The following PDE4D variants were observed in gnomAD, a reference collection of about 807,000 sequenced individuals.
PDE4D encodes 3',5'-cyclic-AMP phosphodiesterase 4D.
PDE4D carries 24 observed loss-of-function variants against 87.4 expected under a neutral mutation model. That is an observed-to-expected ratio of 0.27 (90% CI 0.20 to 0.39). The LOEUF (loss-of-function observed/expected upper bound fraction) is 0.39, where lower values mean the gene tolerates loss of function less well. Ranked by LOEUF, PDE4D falls within the 10% of genes least tolerant of loss-of-function variation. PDE4D has a pLI of 1.00. For missense variants in PDE4D, 714 were observed against 1,041.0 expected (o/e 0.69, Z 4.32); for synonymous variants, 384 against 383.2 (o/e 1.00, Z -0.02).
In PDE4D at chr5:59,283,078, C is replaced by T. The variant is rs554700850; in HGVS notation, c.456-67110G>A. ...TAACCTTCCCTGGCTTCAGTTTCCT[C>T]AGCTATAAAATGGAGATAGAAGAGA... On this transcript the variant is annotated intron_variant, in intron 1 of 14. Transcript: ENST00000340635. Among the ~76,000 whole-genome samples the T allele has an allele frequency of 3.9e-5, 6 of 152,192 alleles. No homozygotes were observed. In the South Asian group the frequency reaches 1.2e-3, roughly 32 times the overall value.
At chr5:59,431,021 T>C (rs1796028815) in intron 1 of PDE4D, among the ~76,000 whole-genome samples, 3 of 152,146 alleles carry the variant, frequency 2.0e-5, no homozygotes, top group East Asian at 1.9e-4. Flanking sequence ...CTATTCATGA[T>C]AGAACTGAAC....
intron 1 of PDE4D, among the ~76,000 whole-genome samples, chr5:59,630,877 G>A (rs1831477288): frequency 6.6e-6 from 1 of 152,158 alleles, no homozygotes; most frequent in Non-Finnish European, 1.5e-5. Context: ...TAATTATGAG[G>A]TGTAGACCCT....
At chr5:59,803,306 C>CTT (rs71606604) in intron 1 of PDE4D, among the ~76,000 whole-genome samples, 1,925 of 130,400 alleles carry the variant, frequency 0.015, 39 homozygotes, top group Non-Finnish European at 0.022. Context: ...CTAGAAACTC[C>CTT]TTTTTTTTTT....
At chr5:60,143,255 T>A (rs1544791) in intron 2 of PDE4D, among the ~76,000 whole-genome samples, 68 of 152,082 alleles carry the variant, frequency 4.5e-4, no homozygotes, top group Non-Finnish European at 8.8e-4. Flanking sequence ...TTGCAAATAA[T>A]GCCACATTCT....
chr5:59,241,346 C>T (rs796341630), intron 1 of PDE4D, among the ~76,000 whole-genome samples: 94 of 152,282 alleles, frequency 6.2e-4, no homozygotes, highest in African/African-American at 2.2e-3. Flanking sequence ...CTACTGCACC[C>T]GCCTGTACCA....
At chr5:59,526,095 C>G (rs1351611532) in intron 1 of PDE4D, among the ~76,000 whole-genome samples, 1 of 152,134 alleles carries the variant, frequency 6.6e-6, no homozygotes, top group African/African-American at 2.4e-5. Context: ...TTCCTGTGCC[C>G]TGTGATGCAC....
chr5:59,849,085 C>A (rs1744299738), intron 1 of PDE4D, among the ~76,000 whole-genome samples: 1 of 151,914 alleles, frequency 6.6e-6, no homozygotes, highest in Non-Finnish European at 1.5e-5. Flanking sequence ...TGTTTTTTTA[C>A]AGATATACAA....
intron 1 of PDE4D, among the ~76,000 whole-genome samples, chr5:59,549,121 T>A (rs1817719593): frequency 6.6e-6 from 1 of 152,180 alleles, no homozygotes; most frequent in Admixed American, 6.6e-5. Context: ...CCAAGTCCTC[T>A]GGTGGTATAA....
intron 2 of PDE4D, among the ~76,000 whole-genome samples, chr5:60,026,925 T>C (rs1398975862): frequency 6.6e-6 from 1 of 152,196 alleles, no homozygotes; most frequent in Non-Finnish European, 1.5e-5. Context: ...TAAAAGCCTT[T>C]ACACACGCAA....
intron 1 of PDE4D, among the ~76,000 whole-genome samples, chr5:59,717,555 T>A (rs1193387111): frequency 6.6e-6 from 1 of 152,028 alleles, no homozygotes; most frequent in Non-Finnish European, 1.5e-5. Flanking sequence ...TGTGGAAAAA[T>A]AAAACATTTA....
chr5:60,079,238 T>C (rs980328782), intron 2 of PDE4D, among the ~76,000 whole-genome samples: 1 of 152,216 alleles, frequency 6.6e-6, no homozygotes, highest in African/African-American at 2.4e-5. Flanking sequence ...GAGTTGTTTT[T>C]TTCTTATAAA....
At chr5:60,281,318 T>C (rs977806235) in intron 1 of PDE4D, among the ~76,000 whole-genome samples, 1 of 151,746 alleles carries the variant, frequency 6.6e-6, no homozygotes, top group Non-Finnish European at 1.5e-5. Flanking sequence ...TTGTCGTTCC[T>C]GTGGAAATTT....
intron 3 of PDE4D, among the ~76,000 whole-genome samples, chr5:59,932,554 A>G (rs1756086856): frequency 2.0e-5 from 3 of 152,202 alleles, no homozygotes; most frequent in Non-Finnish European, 4.4e-5. Flanking sequence ...CTAAGGTCCA[A>G]AGTAAGTGGT....
At chr5:59,211,263 A>G (rs879258356) in intron 2 of PDE4D, among the ~76,000 whole-genome samples, 1 of 152,186 alleles carries the variant, frequency 6.6e-6, no homozygotes, top group Non-Finnish European at 1.5e-5. Context: ...TGCATCATCT[A>G]TATTTAACAA....
At chr5:59,001,673 A>G (rs889948669) in intron 6 of PDE4D, among the ~76,000 whole-genome samples, 1 of 152,110 alleles carries the variant, frequency 6.6e-6, no homozygotes, top group Non-Finnish European at 1.5e-5. Context: ...TAGGCCCACA[A>G]TCTTCAATGA....
chr5:59,463,319 T>C (rs963133639), intron 1 of PDE4D, among the ~76,000 whole-genome samples: 11 of 152,212 alleles, frequency 7.2e-5, no homozygotes, highest in Non-Finnish European at 1.5e-4. Context: ...TAGTAACCAC[T>C]GTTTCAGGTG....
intron 1 of PDE4D, among the ~76,000 whole-genome samples, chr5:59,348,900 C>T (rs927826646): frequency 2.0e-5 from 3 of 151,690 alleles, no homozygotes; most frequent in African/African-American, 7.3e-5. Context: ...GAGACAAACC[C>T]GGGCAAAACA....
chr5:59,034,077 C>T (rs1459952834), intron 6 of PDE4D, among the ~76,000 whole-genome samples: 7 of 152,046 alleles, frequency 4.6e-5, no homozygotes, highest in Non-Finnish European at 8.8e-5. Flanking sequence ...TCCATTATTA[C>T]TTAAAAGCAA....
intron 3 of PDE4D, among the ~76,000 whole-genome samples, chr5:59,910,534 C>T (rs999394804): frequency 6.6e-6 from 1 of 152,184 alleles, no homozygotes; most frequent in Non-Finnish European, 1.5e-5. Context: ...GAAGCATCAG[C>T]TACTCTGGTC....
Sources: allele counts gnomAD v4.1 joint callset (sites outside exome capture counted in the v4.1 genomes callset), GRCh38; gene constraint gnomAD v4.1.1; transcripts MANE v1.5; gene names NCBI Gene and HGNC (gene_info 2026-07-23, HGNC 2026-07-21).